YTHDC1: variants seen among roughly 807,000 people sequenced by gnomAD.
YTHDC1 encodes the protein YTH domain-containing protein 1.
In YTHDC1, 12 loss-of-function variants were observed where a neutral mutation model predicts 107.0. The observed-to-expected ratio is 0.11, with a 90% CI of 0.07 to 0.18. The LOEUF (loss-of-function observed/expected upper bound fraction) is 0.18. YTHDC1 is among the 10% of genes least tolerant of loss of function. The pLI, the probability that YTHDC1 is intolerant of heterozygous loss-of-function variation, is 1.00. For synonymous variants in YTHDC1, 280 were observed against 289.5 expected, an observed-to-expected ratio of 0.97 and a Z score of 0.33; for missense variants, 635 against 898.8, an observed-to-expected ratio of 0.71 and a Z score of 3.75.
At chr4:68,314,998 T>C (rs1227284248) in intron 16 of YTHDC1, among the ~76,000 whole-genome samples, 3 of 152,130 alleles carry the variant, frequency 2.0e-5, no homozygotes, top group African/African-American at 4.8e-5. Context: ...ATTATGTAAG[T>C]AGAGAATATG....
At position 68,322,942 on chromosome 4, in the gene YTHDC1, AAAC is replaced by A. The variant is rs771875885; in HGVS notation, c.1435-30_1435-28del. ...TAGAATAGGAAAGTAGCAATTTATA[AAAC>A]AAAAACAGACCCTTTCAACAGACTT... On this transcript the variant is annotated intron_variant, in intron 10 of 16. Transcript: ENST00000344157. The surrounding 1 kb of genome is among the most constrained non-coding windows in gnomAD (Gnocchi z 4.8). 6.2e-7 allele frequency: 1 copy of A among 1,607,116 alleles called. No homozygotes were observed. The highest frequency in any genetic ancestry group is 1.1e-5 in the South Asian group (1 of 90,694).
chr4:68,314,878 A>G (rs1036072012), intron 16 of YTHDC1, among the ~76,000 whole-genome samples: 1 of 152,214 alleles, frequency 6.6e-6, no homozygotes, highest in African/African-American at 2.4e-5. Context: ...GCTCTAGTTT[A>G]AACTTTCTAC....
rs1291955267 is a variant in YTHDC1, at chr4:68,311,474, A to T, written c.*2625T>A. 1 of 152,202 alleles carries T rather than the reference A, an allele frequency of 6.6e-6. No individual in the cohort carries two copies. Among genetic ancestry groups the T allele is most frequent in the Non-Finnish European group, 1.5e-5 (1 of 68,038 alleles). 9.4% of individuals were successfully genotyped at this position (152,202 alleles called of 1,614,324 possible). A position where few individuals can be genotyped will look rare whatever the true frequency, so the allele number is the denominator to read the frequency against. ...ATCTGAACACATCATACTAATGTAG[A>T]TTGTTAGAATCACAGCACAGTGGAG... On this transcript the variant is annotated 3_prime_UTR_variant, in exon 17 of 17. Transcript: ENST00000344157.
At chr4:68,317,215 C>T (rs1036563224) in intron 15 of YTHDC1, among the ~76,000 whole-genome samples, 1 of 151,942 alleles carries the variant, frequency 6.6e-6, no homozygotes, top group African/African-American at 2.4e-5. Context: ...CCGAATGAGA[C>T]CCTGTCTCTC....
rs1351889704 is a variant in YTHDC1 at position 68,322,064 on chromosome 4, T to C, written c.1601+685A>G. ...TGTAAACAGACACAGCAACAGCCCTTCTTTTTGGTTTGTTGCCGGGTCTCC... is the reference window on the plus strand; with the variant it reads ...TGTAAACAGACACAGCAACAGCCCTCCTTTTTGGTTTGTTGCCGGGTCTCC... On this transcript the variant is annotated intron_variant, in intron 11 of 16. Transcript: ENST00000344157. The surrounding 1 kb of genome is among the most constrained non-coding windows in gnomAD (Gnocchi z 4.8). 6.6e-6 allele frequency among the ~76,000 whole-genome samples: 1 copy of C among 152,202 alleles called. No individual in the cohort carries two copies. The highest frequency in any genetic ancestry group is 1.5e-5 in the Non-Finnish European group (1 of 68,026).
intron 1 of YTHDC1, among the ~76,000 whole-genome samples, chr4:68,346,794 T>C (rs536180863): frequency 6.6e-6 from 1 of 152,308 alleles, no homozygotes; most frequent in Admixed American, 6.5e-5. Flanking sequence ...TTTATTATTG[T>C]TGTGGTTGAT....
Position 68,322,624 on chromosome 4 carries a change from A to T in YTHDC1, c.1601+125T>A, listed in dbSNP as rs1350170736. The T allele has an allele frequency of 1.1e-5, 13 of 1,205,354 alleles. No homozygotes were observed. The highest frequency in any genetic ancestry group is 1.5e-5 in the Non-Finnish European group (13 of 879,122). The allele number at this position is 1,205,354 out of a possible 1,614,324, so 74.7% of individuals were successfully genotyped here. ...CCTCAATGAAGCCACAAACTAGTCC[A>T]TGCAGCTTGATTTGAGGATTTTCTC... On this transcript the variant is annotated intron_variant, in intron 11 of 16. Transcript: ENST00000344157. The surrounding 1 kb of genome is among the most constrained non-coding windows in gnomAD (Gnocchi z 4.8).
chr4:68,326,810 C>T (rs146809153), intron 9 of YTHDC1, among the ~76,000 whole-genome samples: 5,113 of 151,556 alleles, frequency 0.034, 92 homozygotes, highest in Middle Eastern at 0.065. Context: ...ATGCTAGTCT[C>T]GAACTCCTGG....
rs1359536826 is a variant in YTHDC1 at position 68,324,131 on chromosome 4, C to T, written c.1434+8G>A. 1.2e-6 allele frequency: 2 copies of T among 1,610,452 alleles called. No individual in the cohort carries two copies. Among genetic ancestry groups the T allele is most frequent in the Middle Eastern group, 1.7e-4 (1 of 6,038 alleles). ...TGTTTTTTTAAAGAATCAATTAAGG[C>T]CACAAACCTGTCCATCACGTCCGAT... On this transcript the variant is annotated splice_region_variant and intron_variant, in intron 10 of 16. Transcript: ENST00000344157.
At chr4:68,324,084 C>T (rs935119397) in intron 10 of YTHDC1, 55 bp downstream of exon 10, 4 of 1,488,018 alleles carry the variant, frequency 2.7e-6, no homozygotes, top group South Asian at 1.2e-5. Context: ...CAATAAAGAT[C>T]TCTAAAAGGG....
intron 1 of YTHDC1, among the ~76,000 whole-genome samples, chr4:68,348,318 T>C (rs1030474071): frequency 6.6e-6 from 1 of 152,222 alleles, no homozygotes; most frequent in African/African-American, 2.4e-5. Context: ...CAGACTCCCA[T>C]ATCCACAGTT....
At chr4:68,329,199 T>C (rs1723314755) in intron 9 of YTHDC1, among the ~76,000 whole-genome samples, 1 of 152,080 alleles carries the variant, frequency 6.6e-6, no homozygotes, top group South Asian at 2.1e-4. Context: ...TAAAAAAAGG[T>C]AGCTCCCTAT....
At chr4:68,337,478 C>T (rs1254926292) in intron 3 of YTHDC1, 28 bp from the exon 4 acceptor site, 2 of 1,608,224 alleles carry the variant, frequency 1.2e-6, no homozygotes, top group African/African-American at 2.7e-5. Flanking sequence ...AGGGAATCAG[C>T]AGTCATATAA....
Position 68,330,188 on chromosome 4 carries a change from AT to A in YTHDC1, c.1231+13del, listed in dbSNP as rs763515593. ...ATTAATGTTTTTATATGTCCAAATT[AT>A]TTTTATTCTTACCTTGAAATTTTCC... is the stretch of plus-strand genomic sequence containing the variant. On this transcript the variant is annotated intron_variant, in intron 8 of 16. Transcript: ENST00000344157. 8.2e-6 allele frequency: 13 copies of A among 1,580,214 alleles called. No homozygotes were observed. Among genetic ancestry groups the A allele is most frequent in the Non-Finnish European group, 1.1e-5 (13 of 1,159,126 alleles).
At chr4:68,345,487 T>C (rs1725305259) in intron 1 of YTHDC1, among the ~76,000 whole-genome samples, 1 of 152,220 alleles carries the variant, frequency 6.6e-6, no homozygotes, top group African/African-American at 2.4e-5. Flanking sequence ...TTCTATTGTC[T>C]TGTAATGTAC....
chr4:68,324,754 G>A (rs956721107), intron 9 of YTHDC1, among the ~76,000 whole-genome samples: 13 of 152,040 alleles, frequency 8.6e-5, no homozygotes, highest in Non-Finnish European at 1.9e-4. Flanking sequence ...TCTTCACTAC[G>A]CATAGAATGG....
intron 1 of YTHDC1, among the ~76,000 whole-genome samples, chr4:68,344,535 T>C (rs1261863448): frequency 6.6e-6 from 1 of 152,206 alleles, no homozygotes; most frequent in East Asian, 1.9e-4. Context: ...CCCAGATTTT[T>C]ATTTGGAATT....
chr4:68,337,001 A>T (rs1481478529), intron 4 of YTHDC1, 26 bp downstream of exon 4: 5 of 1,540,534 alleles, frequency 3.2e-6, no homozygotes, highest in Middle Eastern at 3.5e-4. Context: ...TTTTTAAGAC[A>T]AACTTTTACA....
chr4:68,332,377 C>A (rs569250261), intron 6 of YTHDC1, among the ~76,000 whole-genome samples, 180 bp from the exon 7 acceptor site: 2 of 152,098 alleles, frequency 1.3e-5, no homozygotes, highest in African/African-American at 4.8e-5. Context: ...AAAAGACAAT[C>A]AGCATATTGC....
Sources: gnomAD v4.1 joint callset for allele counts (sites outside exome capture counted in the v4.1 genomes callset) on GRCh38, gnomAD v4.1.1 for gene constraint, Gnocchi (gnomAD v3.1) non-coding constraint, MANE v1.5 for transcripts, NCBI Gene and HGNC (gene_info 2026-07-23, HGNC 2026-07-21) for gene names.